Variants in NBEA observed in about 807,000 individuals in gnomAD.
The protein encoded by NBEA is lysosomal-trafficking regulator 2.
Under a neutral mutation model 343.4 loss-of-function variants are expected in NBEA, and 44 were observed. The observed-to-expected ratio is 0.13, with a 90% CI of 0.10 to 0.16. The LOEUF is 0.16. NBEA is among the 10% of genes least tolerant of loss of function. The probability of loss-of-function intolerance (pLI) is 1.00; values close to 1 mark genes in which losing one functional copy is unlikely to be tolerated. For synonymous variants in NBEA, 1,175 were observed against 1,238.7 expected (o/e 0.95, Z 1.08); for missense variants, 2,555 against 3,631.3 (o/e 0.70, Z 7.62).
chr13:35,234,145 G>A (rs2075111520), intron 34 of NBEA, among the ~76,000 whole-genome samples: 1 of 152,074 alleles, frequency 6.6e-6, no homozygotes, highest in Non-Finnish European at 1.5e-5. Context: ...GAGAGGTAAT[G>A]GGTTCTTTGG....
intron 49 of NBEA, among the ~76,000 whole-genome samples, chr13:35,640,983 C>G (rs1036795971): frequency 1.3e-5 from 2 of 151,912 alleles, no homozygotes; most frequent in Non-Finnish European, 2.9e-5. Context: ...AATAAATATT[C>G]AGCAAACAAT....
chr13:35,020,867 T>A (rs1308101711), intron 1 of NBEA, among the ~76,000 whole-genome samples: 8 of 152,082 alleles, frequency 5.3e-5, no homozygotes, highest in Non-Finnish European at 7.4e-5. Context: ...GGGGGAGGTG[T>A]CTTTTTAATC....
In NBEA at chr13:35,538,533, A is replaced by G. The variant is rs77909032; in HGVS notation, c.6586-11944A>G. ...CGTGTAAAAACAATGTGTTCAGTGT[A>G]ACTAAGCGGCACAGCAGCATCACAG... On this transcript the variant is annotated intron_variant, in intron 41 of 58. Coordinates refer to ENST00000379939, the MANE Select transcript of NBEA (RefSeq NM_001385012.1). Among the ~76,000 whole-genome samples, 311 of 152,338 alleles carry G rather than the reference A, an allele frequency of 2.0e-3. 1 individual carries two copies. The highest frequency in any genetic ancestry group is 7.2e-3 in the African/African-American group (300 of 41,580).
At chr13:35,322,329 C>T (rs1001165068) in intron 36 of NBEA, among the ~76,000 whole-genome samples, 19 of 152,174 alleles carry the variant, frequency 1.2e-4, no homozygotes, top group Middle Eastern at 3.2e-3. Context: ...CAGTCCCTCA[C>T]GGCTTCCCTT....
chr13:35,144,334 A>C (rs556621484), intron 18 of NBEA, among the ~76,000 whole-genome samples: 1 of 152,080 alleles, frequency 6.6e-6, no homozygotes, highest in East Asian at 1.9e-4. Flanking sequence ...ATCTAGTTTT[A>C]CTCCAAATAT....
chr13:35,045,968 C>T (rs2062837910), intron 4 of NBEA, among the ~76,000 whole-genome samples: 1 of 152,120 alleles, frequency 6.6e-6, no homozygotes, highest in Non-Finnish European at 1.5e-5. Flanking sequence ...CTCCTGTTTG[C>T]CCGCCTAGGC....
intron 34 of NBEA, among the ~76,000 whole-genome samples, chr13:35,263,439 C>G (rs528818435): frequency 2.0e-5 from 3 of 151,122 alleles, no homozygotes; most frequent in Admixed American, 6.6e-5. Flanking sequence ...AGGACCTAAC[C>G]GACATATTGA....
intron 31 of NBEA, 72 bp from the exon 32 acceptor site, chr13:35,208,628 A>G (rs943157893): frequency 2.3e-6 from 3 of 1,332,108 alleles, no homozygotes; most frequent in African/African-American, 1.5e-5. Context: ...GACTATGTAT[A>G]TCTGTTGCAG....
intron 23 of NBEA, among the ~76,000 whole-genome samples, chr13:35,163,486 A>G (rs1392776605): frequency 1.3e-5 from 2 of 151,898 alleles, no homozygotes; most frequent in East Asian, 3.9e-4. Flanking sequence ...TACAAACATT[A>G]ACTAGGCGTG....
chr13:35,180,122 T>C (rs1404272356), intron 28 of NBEA, among the ~76,000 whole-genome samples: 1 of 151,776 alleles, frequency 6.6e-6, no homozygotes, highest in African/African-American at 2.4e-5. Flanking sequence ...ATGAATCTTG[T>C]TTGCATTGTG....
In NBEA at chr13:35,280,500, T is replaced by C. The variant is rs185942624; in HGVS notation, c.5777-9889T>C. Among the ~76,000 whole-genome samples, 18 of 152,274 alleles carry C rather than the reference T, an allele frequency of 1.2e-4. No homozygotes were observed. In the East Asian group the frequency reaches 3.3e-3, roughly 28 times the overall value. On this transcript the variant is annotated intron_variant, in intron 34 of 58. Transcript: ENST00000379939. ...GGTATTTTTTAATTCCACCATTTTC[T>C]AATAATCACAATAGGAATTACATTA...
At chr13:35,145,386 A>G (rs374210628) in intron 18 of NBEA, among the ~76,000 whole-genome samples, 32 of 152,154 alleles carry the variant, frequency 2.1e-4, no homozygotes, top group African/African-American at 7.7e-4. Context: ...TTTTACTTCC[A>G]GTTTAGAAGT....
At chr13:35,407,762 T>C (rs1215675934) in intron 38 of NBEA, among the ~76,000 whole-genome samples, 3 of 152,080 alleles carry the variant, frequency 2.0e-5, no homozygotes, top group East Asian at 1.9e-4. Flanking sequence ...CCATTCACAA[T>C]TGCCACAAAA....
At chr13:35,124,781 G>GAT (rs553935903) in intron 17 of NBEA, among the ~76,000 whole-genome samples, 7 of 147,222 alleles carry the variant, frequency 4.8e-5, no homozygotes, top group African/African-American at 1.8e-4. Flanking sequence ...CACATATATG[G>GAT]ATATATACAC....
intron 1 of NBEA, among the ~76,000 whole-genome samples, chr13:35,034,446 A>C (rs2062362467): frequency 6.6e-6 from 1 of 152,038 alleles, no homozygotes; most frequent in African/African-American, 2.4e-5. Flanking sequence ...ATCAATATTC[A>C]TCAGAGGTAT....
At chr13:35,265,252 C>T (rs538185822) in intron 34 of NBEA, among the ~76,000 whole-genome samples, 14 of 151,858 alleles carry the variant, frequency 9.2e-5, no homozygotes, top group Admixed American at 5.2e-4. Flanking sequence ...AATGAAAACC[C>T]ATATGGATCA....
chr13:35,516,235 A>G (rs545408676), intron 41 of NBEA, among the ~76,000 whole-genome samples: 2 of 152,210 alleles, frequency 1.3e-5, no homozygotes, highest in African/African-American at 4.8e-5. Flanking sequence ...TCCTATATTC[A>G]GGAAAGGTAA....
chr13:35,570,758 C>G (rs1379631282), intron 45 of NBEA, among the ~76,000 whole-genome samples: 1 of 152,030 alleles, frequency 6.6e-6, no homozygotes, highest in African/African-American at 2.4e-5. Context: ...CTGAGACTAT[C>G]CTGTATAAAA....
chr13:35,108,363 A>G (rs1006701715), intron 11 of NBEA, among the ~76,000 whole-genome samples: 5 of 151,996 alleles, frequency 3.3e-5, no homozygotes, highest in Admixed American at 1.3e-4. Flanking sequence ...TTTTAATATT[A>G]TAGCATTTTT....
Sources: gnomAD v4.1 joint callset for allele counts (sites outside exome capture counted in the v4.1 genomes callset) on GRCh38, gnomAD v4.1.1 for gene constraint, MANE v1.5 for transcripts, NCBI Gene and HGNC (gene_info 2026-07-23, HGNC 2026-07-21) for gene names.